Variants in ZNF792 observed in about 807,000 individuals in gnomAD.
The protein encoded by ZNF792 is zinc finger protein 792.
In ZNF792, 14 loss-of-function variants were observed where a neutral mutation model predicts 13.1. The observed-to-expected ratio is 1.07, with a 90% CI of 0.71 to 1.67. The LOEUF (loss-of-function observed/expected upper bound fraction) is 1.67, where lower values mean the gene tolerates loss of function less well. ZNF792 is among the 40% of genes most tolerant of loss of function. The probability of loss-of-function intolerance (pLI) is 0.00; values close to 1 mark genes in which losing one functional copy is unlikely to be tolerated. For synonymous variants in ZNF792, 257 were observed against 292.0 expected (o/e 0.88, Z 1.22); for missense variants, 740 against 807.9 (o/e 0.92, Z 1.02).
At position 34,964,221 on chromosome 19, in the gene ZNF792, G is replaced by A. The variant is rs1215365936; in HGVS notation, c.-559C>T. ...GCCTCTCGTCAGGCTGAGGGTCCAG[G>A]GCGGGAAGGAGAGCGGATCTCGTCG... On this transcript the variant is annotated 5_prime_UTR_variant, in exon 1 of 4. Coordinates refer to ENST00000404801, the MANE Select transcript of ZNF792 (RefSeq NM_175872.5). Among the ~76,000 whole-genome samples the A allele has an allele frequency of 6.6e-6, 1 of 152,164 alleles. No individual in the cohort carries two copies. The highest frequency in any genetic ancestry group is 1.5e-5 in the Non-Finnish European group (1 of 68,034).
rs2013435427 is a variant in ZNF792 at position 34,956,693 on chromosome 19, C to T, written c.*1263G>A. On this transcript the variant is annotated 3_prime_UTR_variant, in exon 4 of 4. Coordinates refer to ENST00000404801, the MANE Select transcript of ZNF792 (RefSeq NM_175872.5). ...GGCAACCCTATATTGACTCTGTCAT[C>T]TCTTTCTTCTTGCCTTGGGAGCAAA... is the stretch of plus-strand genomic sequence containing the variant. 1 of 152,220 alleles carries T rather than the reference C, an allele frequency of 6.6e-6. No individual in the cohort carries two copies. The highest frequency in any genetic ancestry group is 6.5e-5 in the Admixed American group (1 of 15,282). The allele number at this position is 152,220 out of a possible 1,614,324, so 9.4% of individuals were successfully genotyped here.
rs774473899 is a variant in ZNF792, at chr19:34,959,391, G to C, written c.464C>G (p.Pro155Arg). The change falls in exon 4 of 4, where the codon CCC (proline) becomes CGC (arginine). Residue 155 changes from proline (P) to arginine (R), a missense_variant. By Grantham distance (103) the Pro-to-Arg change is moderately radical (BLOSUM62 -2). Transcript: ENST00000404801. Reference sequence around the variant, plus strand: ...CTCACACACAAATGGTTTCTGCCTGGGATGTGTTGTCTGGTGTTCAGCCAA... The same window carrying C: ...CTCACACACAAATGGTTTCTGCCTGCGATGTGTTGTCTGGTGTTCAGCCAA... ...LHLAEHQTTH[P>R]RQKPFVCEAY... is the part of the protein sequence containing the mutation. The C allele has an allele frequency of 6.2e-7, 1 of 1,614,088 alleles. No individual in the cohort carries two copies. Among genetic ancestry groups the C allele is most frequent in the African/African-American group, 1.3e-5 (1 of 75,030 alleles).
At position 34,958,820 on chromosome 19, in the gene ZNF792, T is replaced by G. The variant is rs61745594; in HGVS notation, c.1035A>C (p.Lys345Asn). The change falls in exon 4 of 4, where the codon AAA becomes AAC. Residue 345 changes from lysine (K) to asparagine (N), a missense_variant. Physicochemically the swap from Lys to Asn is moderately conservative, Grantham distance 94 (BLOSUM62 0). Transcript: ENST00000404801. ...ESPHVCGDCG[K>N]FFSRSSNLIQ... ...TGAGGTTGGAGCTTCGGCTGAAGAATTTCCCACAGTCACCACACACGTGAG... is the reference window on the plus strand; with the variant it reads ...TGAGGTTGGAGCTTCGGCTGAAGAAGTTCCCACAGTCACCACACACGTGAG... 1 of 1,612,404 alleles carries G rather than the reference T, an allele frequency of 6.2e-7. No homozygotes were observed. Among genetic ancestry groups the G allele is most frequent in the Non-Finnish European group, 8.5e-7 (1 of 1,178,728 alleles).
In ZNF792 at chr19:34,957,783, A is replaced by G. The variant is rs2013453628; in HGVS notation, c.*173T>C. ...CCTTTAGGGATTGGAAAGAGAGAGG[A>G]GAGGTCTGCCTTCCCTGAGCACAGT... On this transcript the variant is annotated 3_prime_UTR_variant, in exon 4 of 4. Transcript: ENST00000404801. 1.6e-5 allele frequency: 10 copies of G among 616,804 alleles called. No homozygotes were observed. In the South Asian group the frequency reaches 2.0e-4, roughly 12 times the overall value. The allele number at this position is 616,804 out of a possible 1,614,324, so 38.2% of individuals were successfully genotyped here.
rs1318279190 is a variant in ZNF792 at position 34,959,065 on chromosome 19, T to C, written c.790A>G (p.Asn264Asp). The C allele has an allele frequency of 6.2e-7, 1 of 1,614,198 alleles. No homozygotes were observed. Among genetic ancestry groups the C allele is most frequent in the South Asian group, 1.1e-5 (1 of 91,090 alleles). Residue 264 changes from asparagine (N) to aspartate (D), a missense_variant, in exon 4 of 4, where the codon AAT becomes GAT. By Grantham distance (23) the Asn-to-Asp change is conservative (BLOSUM62 1). Coordinates refer to ENST00000404801, the MANE Select transcript of ZNF792 (RefSeq NM_175872.5). ...NKCCESGDAF[N>D]NKSTLVQHQR... ...TGCTGAACAAGAGTGGATTTGTTAT[T>C]GAAGGCATCCCCAGATTCACAGCAC...
rs958918332 is a variant in ZNF792, at chr19:34,956,752, C to T, written c.*1204G>A. On this transcript the variant is annotated 3_prime_UTR_variant, in exon 4 of 4. Coordinates refer to ENST00000404801, the MANE Select transcript of ZNF792 (RefSeq NM_175872.5). ...GGCTACGTCATAGATACTACAGTCC[C>T]TATAGTATAGGATCTGCTTTTTCTC... 8 of 152,178 alleles carry T rather than the reference C, an allele frequency of 5.3e-5. No individual in the cohort carries two copies. Among genetic ancestry groups the T allele is most frequent in the Admixed American group, 5.2e-4 (8 of 15,272 alleles). 9.4% of individuals were successfully genotyped at this position (152,178 alleles called of 1,614,324 possible).
rs924625643 is a variant in ZNF792, at chr19:34,956,763, G to T, written c.*1193C>A. On this transcript the variant is annotated 3_prime_UTR_variant, in exon 4 of 4. Coordinates refer to ENST00000404801, the MANE Select transcript of ZNF792 (RefSeq NM_175872.5). ...AGATACTACAGTCCCTATAGTATAG[G>T]ATCTGCTTTTTCTCAGTCCCTATTT... The T allele has an allele frequency of 2.0e-5, 3 of 152,192 alleles. No homozygotes were observed. Among genetic ancestry groups the T allele is most frequent in the Non-Finnish European group, 4.4e-5 (3 of 68,052 alleles). 9.4% of individuals were successfully genotyped at this position (152,192 alleles called of 1,614,324 possible).
chr19:34,959,589 C>T lies in ZNF792; in HGVS notation c.284-18G>A, dbSNP rs1305872235. 1.3e-6 allele frequency: 2 copies of T among 1,516,866 alleles called. No individual in the cohort carries two copies. The highest frequency in any genetic ancestry group is 1.8e-6 in the Non-Finnish European group (2 of 1,134,188). The allele number at this position is 1,516,866 out of a possible 1,614,324, so 94.0% of individuals were successfully genotyped here. A position where few individuals can be genotyped will look rare whatever the true frequency, so the allele number is the denominator to read the frequency against. On this transcript the variant is annotated intron_variant, in intron 3 of 3. Coordinates refer to ENST00000404801, the MANE Select transcript of ZNF792 (RefSeq NM_175872.5). ...GCAAAAATCTGAAAGCAGAGAAATG[C>T]TGGTGAAGTTCGTATAAACTTTAAT...
At chr19:34,962,249 C>T (rs540116443) in intron 1 of ZNF792, among the ~76,000 whole-genome samples, 1 of 152,264 alleles carries the variant, frequency 6.6e-6, no homozygotes, top group African/African-American at 2.4e-5. Context: ...TAAACAAAGA[C>T]CAATGAAATG....
chr19:34,959,594 GAA>G, intron 3 of ZNF792, 23 bp from the exon 4 acceptor site: 1 of 1,515,748 alleles, frequency 6.6e-7, no homozygotes, highest in African/African-American at 1.4e-5. Context: ...AAATGCTGGT[GAA>G]GTTCGTATAA....
At position 34,959,403 on chromosome 19, in the gene ZNF792, T is replaced by C. The variant is rs768049046; in HGVS notation, c.452A>G (p.Gln151Arg). 6.2e-7 allele frequency: 1 copy of C among 1,614,192 alleles called. No homozygotes were observed. Among genetic ancestry groups the C allele is most frequent in the South Asian group, 1.1e-5 (1 of 91,082 alleles). ...LKDILHLAEHQTTHPRQKPFV... is the reference protein window; with the variant it reads ...LKDILHLAEHRTTHPRQKPFV... The stretch of plus-strand genomic sequence containing the variant: ...TGGTTTCTGCCTGGGATGTGTTGTC[T>C]GGTGTTCAGCCAAATGCAAAATGTC... The change falls in exon 4 of 4, where the codon CAG (glutamine) becomes CGG (arginine). Residue 151 changes from glutamine (Q) to arginine (R), a missense_variant. Gln to Arg is a conservative substitution (Grantham distance 43, BLOSUM62 1). Transcript: ENST00000404801.
chr19:34,956,973 A>G lies in ZNF792; in HGVS notation c.*983T>C, dbSNP rs2013441009. ...TTCAAGGGAGCATTCACGGATGCAC[A>G]TTTAGCAGAGTTCCATTTCTGCTGG... On this transcript the variant is annotated 3_prime_UTR_variant, in exon 4 of 4. Coordinates refer to ENST00000404801, the MANE Select transcript of ZNF792 (RefSeq NM_175872.5). 6.6e-6 allele frequency: 1 copy of G among 152,256 alleles called. No individual in the cohort carries two copies. Among genetic ancestry groups the G allele is most frequent in the South Asian group, 2.1e-4 (1 of 4,838 alleles). The allele number at this position is 152,256 out of a possible 1,614,324, so 9.4% of individuals were successfully genotyped here.
intron 3 of ZNF792, among the ~76,000 whole-genome samples, 172 bp from the exon 4 acceptor site, chr19:34,959,743 C>A (rs560991315): frequency 9.9e-5 from 15 of 152,256 alleles, no homozygotes; most frequent in Non-Finnish European, 1.8e-4. Context: ...CTGGCCAGGT[C>A]ACAAAATACA....
At chr19:34,960,101 G>C in intron 3 of ZNF792, 134 bp downstream of exon 3, 2 of 1,319,646 alleles carry the variant, frequency 1.5e-6, no homozygotes, top group Non-Finnish European at 2.1e-6. Flanking sequence ...TGTCAAGCAC[G>C]GGGAAGGAAA....
intron 2 of ZNF792, 38 bp from the exon 3 acceptor site, chr19:34,960,395 G>T (rs780538632): frequency 6.2e-7 from 1 of 1,603,144 alleles, no homozygotes; most frequent in Non-Finnish European, 8.5e-7. Flanking sequence ...GCCAGCACCT[G>T]CCCAGTTGAA....
At chr19:34,960,443 T>A (rs984409631) in intron 2 of ZNF792, 86 bp from the exon 3 acceptor site, 1 of 1,521,970 alleles carries the variant, frequency 6.6e-7, no homozygotes, top group African/African-American at 1.4e-5. Flanking sequence ...AAGCTCCGTA[T>A]GACACAGGGA....
chr19:34,958,975 C>T lies in ZNF792; in HGVS notation c.880G>A (p.Ala294Thr), dbSNP rs776092922. The T allele has an allele frequency of 1.1e-5, 18 of 1,613,942 alleles. No individual in the cohort carries two copies. Among genetic ancestry groups the T allele is most frequent in the East Asian group, 6.7e-5 (3 of 44,886 alleles). ...CSKCGIFFTY[A>T]ADLTQHQKVH... ...TTCTGGTGTTGAGTGAGGTCAGCGG[C>T]GTAAGTGAAGAAGATTCCACATTTG... is the stretch of plus-strand genomic sequence containing the variant. Residue 294 changes from alanine to threonine, a missense_variant, in exon 4 of 4, where the codon GCC becomes ACC. By Grantham distance (58) the Ala-to-Thr change is moderately conservative. Transcript: ENST00000404801.
In ZNF792 at chr19:34,959,542, A is replaced by T; in HGVS notation, c.313T>A (p.Leu105Ile). 1 of 1,554,238 alleles carries T rather than the reference A, an allele frequency of 6.4e-7. No individual in the cohort carries two copies. Among genetic ancestry groups the T allele is most frequent in the Non-Finnish European group, 8.7e-7 (1 of 1,149,828 alleles). Reference protein sequence around the residue: ...DFCHGTEGKDLPSEHNVSVEG... With the variant: ...DFCHGTEGKDIPSEHNVSVEG... The stretch of plus-strand genomic sequence containing the variant: ...ACAGAAACGTTATGCTCAGAAGGTA[A>T]GTCCTTGCCCTCTGTTCCATGGCAA... The change falls in exon 4 of 4, where the codon TTA (leucine) becomes ATA (isoleucine). Residue 105 changes from leucine (L) to isoleucine (I), a missense_variant. Coordinates refer to ENST00000404801, the MANE Select transcript of ZNF792 (RefSeq NM_175872.5).
chr19:34,961,011 A>C lies in ZNF792; in HGVS notation c.34-17T>G. Reference sequence around the variant, plus strand: ...CACGCAGCCCTGCCATGATGGGGACAGTTCGTTCCATGATCAGTCTCTGTC... The same window carrying C: ...CACGCAGCCCTGCCATGATGGGGACCGTTCGTTCCATGATCAGTCTCTGTC... On this transcript the variant is annotated splice_polypyrimidine_tract_variant and intron_variant, in intron 1 of 3. Transcript: ENST00000404801. 6.2e-7 allele frequency: 1 copy of C among 1,606,014 alleles called. No homozygotes were observed. Among genetic ancestry groups the C allele is most frequent in the South Asian group, 1.1e-5 (1 of 90,048 alleles).
Sources: allele counts gnomAD v4.1 joint callset (sites outside exome capture counted in the v4.1 genomes callset), GRCh38; gene constraint gnomAD v4.1.1; transcripts MANE v1.5; gene names NCBI Gene and HGNC (gene_info 2026-07-23, HGNC 2026-07-21).